The following PUDP variants were observed in gnomAD, a reference collection of about 807,000 sequenced individuals.
PUDP encodes the protein pseudouridine-5'-phosphatase.
Under a neutral mutation model 9.4 loss-of-function variants are expected in PUDP, and 8 were observed. The observed-to-expected ratio is 0.85, with a 90% CI of 0.50 to 1.53. The LOEUF is 1.53. Among genes scored for constraint, PUDP ranks in the 40% most tolerant of loss-of-function variants. The probability of loss-of-function intolerance (pLI) is 0.00; values close to 1 mark genes in which losing one functional copy is unlikely to be tolerated. For synonymous variants in PUDP, 99 were observed against 80.7 expected (o/e 1.23, Z -1.22); for missense variants, 188 against 189.7 (o/e 0.99, Z 0.05).
At chrX:6,943,554 T>C (rs1184743025) in intron 3 of PUDP, among the ~76,000 whole-genome samples, 1 of 111,595 alleles carries the variant, frequency 9.0e-6, no homozygotes, top group Non-Finnish European at 1.9e-5. Flanking sequence ...TGATCCAGTG[T>C]GAGATGTTGA....
intron 3 of PUDP, among the ~76,000 whole-genome samples, chrX:6,940,304 G>A (rs981994573): frequency 4.4e-5 from 5 of 112,871 alleles, no homozygotes; most frequent in African/African-American, 1.6e-4. Context: ...CTACAATGAC[G>A]GAATTGAGAA....
chrX:6,997,348 C>A (rs6654837), intron 1 of PUDP, among the ~76,000 whole-genome samples: 12 of 112,346 alleles, frequency 1.1e-4, no homozygotes, highest in African/African-American at 3.9e-4. Flanking sequence ...TACAGCAAGA[C>A]AGAATATCTC....
chrX:7,003,812 G>C (rs1257464811), intron 1 of PUDP, among the ~76,000 whole-genome samples: 2 of 111,845 alleles, frequency 1.8e-5, no homozygotes, highest in Non-Finnish European at 3.8e-5. Context: ...AATTTTGATA[G>C]TGATGACCTC....
intron 3 of PUDP, among the ~76,000 whole-genome samples, chrX:6,948,647 T>G (rs748515397): frequency 1.8e-5 from 2 of 112,119 alleles, no homozygotes; most frequent in Admixed American, 9.5e-5. Flanking sequence ...TTTTAGATGA[T>G]GCTAAAGAAA....
chrX:7,123,981 A>C (rs1325416748), intron 1 of PUDP, among the ~76,000 whole-genome samples: 1 of 112,393 alleles, frequency 8.9e-6, no homozygotes, highest in Non-Finnish European at 1.9e-5. Flanking sequence ...GACAATGGAC[A>C]GAACAACTAG....
intron 3 of PUDP, among the ~76,000 whole-genome samples, chrX:6,839,213 C>T (rs748476706): frequency 2.7e-5 from 3 of 111,444 alleles, no homozygotes; most frequent in South Asian, 3.8e-4. Flanking sequence ...GTAGGGAGTG[C>T]GGCAAACTGA....
chrX:7,100,091 T>C (rs1931688382), intron 2 of PUDP, among the ~76,000 whole-genome samples: 1 of 91,086 alleles, frequency 1.1e-5, no homozygotes, highest in Non-Finnish European at 2.1e-5. Context: ...GATCCCCTGG[T>C]GACTGACCAA....
intron 1 of PUDP, among the ~76,000 whole-genome samples, chrX:7,006,278 C>T (rs1929400976): frequency 1.8e-5 from 2 of 112,076 alleles, no homozygotes; most frequent in Non-Finnish European, 3.8e-5. Context: ...AGTGGCTGCA[C>T]CATTTTAATT....
intron 1 of PUDP, among the ~76,000 whole-genome samples, chrX:6,717,039 G>GCA (rs1924608994): frequency 9.0e-6 from 1 of 111,603 alleles, no homozygotes; most frequent in Non-Finnish European, 1.9e-5. Flanking sequence ...AAAGTGCTGG[G>GCA]ACCATGGGCA....
intron 3 of PUDP, among the ~76,000 whole-genome samples, chrX:6,933,498 C>T (rs1439992990): frequency 4.9e-4 from 54 of 109,801 alleles, no homozygotes; most frequent in Non-Finnish European, 8.9e-4. Context: ...TCACCATCAT[C>T]AAAGACCAAA....
chrX:6,939,581 A>C (rs757199300), intron 3 of PUDP, among the ~76,000 whole-genome samples: 1 of 110,415 alleles, frequency 9.1e-6, no homozygotes, highest in East Asian at 2.8e-4. Context: ...AAGAATTCTG[A>C]GGCCAGGTGC....
At chrX:7,079,422 G>A (rs1226922002) in intron 2 of PUDP, among the ~76,000 whole-genome samples, 1 of 112,345 alleles carries the variant, frequency 8.9e-6, no homozygotes, top group Non-Finnish European at 1.9e-5. Context: ...AGACAGAAAA[G>A]AAGTAAGGAC....
At chrX:6,814,767 G>A (rs1190349862) in intron 3 of PUDP, among the ~76,000 whole-genome samples, 1 of 111,616 alleles carries the variant, frequency 9.0e-6, no homozygotes, top group East Asian at 2.8e-4. Context: ...AAGCTAATGG[G>A]AGCTTTTGAA....
intron 3 of PUDP, among the ~76,000 whole-genome samples, chrX:6,906,192 T>G (rs956264355): frequency 1.8e-5 from 2 of 112,199 alleles, no homozygotes; most frequent in African/African-American, 6.5e-5. Context: ...TGTTTACTGC[T>G]GCTATTGGAT....
intron 3 of PUDP, among the ~76,000 whole-genome samples, chrX:6,944,899 C>T (rs371415573): frequency 9.0e-6 from 1 of 111,661 alleles, no homozygotes; most frequent in African/African-American, 3.3e-5. Context: ...TTAGACAAAA[C>T]TTTCCCTCCT....
intron 3 of PUDP, among the ~76,000 whole-genome samples, chrX:7,065,777 A>G (rs1205166007): frequency 1.8e-5 from 2 of 111,931 alleles, no homozygotes; most frequent in African/African-American, 3.3e-5. Context: ...TTCCTCAACT[A>G]CAGCAATGTT....
chrX:6,794,173 T>G (rs1459006492), intron 3 of PUDP, among the ~76,000 whole-genome samples: 1 of 112,418 alleles, frequency 8.9e-6, no homozygotes. Flanking sequence ...GGACACACTC[T>G]GAGAAAGGCG....
chrX:6,896,173 G>T (rs759034851), intron 3 of PUDP, among the ~76,000 whole-genome samples: 1 of 111,817 alleles, frequency 8.9e-6, no homozygotes, highest in Non-Finnish European at 1.9e-5. Context: ...ATTATAGGCT[G>T]AAACTTGATT....
chrX:6,807,166 CTGTT>C (rs768106196), intron 3 of PUDP, among the ~76,000 whole-genome samples: 2 of 112,382 alleles, frequency 1.8e-5, no homozygotes, highest in South Asian at 3.8e-4. Context: ...TATTTTTTGA[CTGTT>C]TGTTTGCTTT....
Sources: allele counts gnomAD v4.1 joint callset (sites outside exome capture counted in the v4.1 genomes callset), GRCh38; gene constraint gnomAD v4.1.1; transcripts MANE v1.5; gene names NCBI Gene and HGNC (gene_info 2026-07-23, HGNC 2026-07-21).